The following STX1B variants were observed in gnomAD, a reference collection of about 807,000 sequenced individuals.
STX1B encodes syntaxin-1B.
Under a neutral mutation model 39.4 loss-of-function variants are expected in STX1B, and 7 were observed. The ratio of observed to expected loss-of-function variants is 0.18; its 90% CI spans 0.10 to 0.33. The LOEUF (loss-of-function observed/expected upper bound fraction) is 0.33, where lower values mean the gene tolerates loss of function less well. Among genes scored for constraint, STX1B ranks in the 10% least tolerant of loss-of-function variants. The pLI is 1.00. For missense variants in STX1B, 198 were observed against 383.2 expected, an observed-to-expected ratio of 0.52 and a Z score of 4.04; for synonymous variants, 136 against 144.1, an observed-to-expected ratio of 0.94 and a Z score of 0.40.
At chr16:31,000,132 G>A (rs919884326) in intron 4 of STX1B, among the ~76,000 whole-genome samples, 1 of 151,450 alleles carries the variant, frequency 6.6e-6, no homozygotes. Context: ...CAAGTGGCTG[G>A]GATTACAGGC....
chr16:31,003,482 C>T (rs1025926705), intron 1 of STX1B, among the ~76,000 whole-genome samples: 3 of 152,200 alleles, frequency 2.0e-5, no homozygotes, highest in Non-Finnish European at 4.4e-5. Flanking sequence ...CAAAAGCCTT[C>T]CTCTGCCCTT....
chr16:30,992,997 G>T, intron 9 of STX1B, 96 bp from the exon 10 acceptor site: 1 of 1,327,192 alleles, frequency 7.5e-7, no homozygotes, highest in Non-Finnish European at 1.1e-6. Context: ...GCAGGGAGAA[G>T]AGGGGAGAGA....
At chr16:30,997,462 TG>T in intron 5 of STX1B, 39 bp downstream of exon 5, 2 of 1,556,728 alleles carry the variant, frequency 1.3e-6, no homozygotes, top group Non-Finnish European at 1.7e-6. Flanking sequence ...CCTCCCGAGC[TG>T]GGTCCCGACC....
intron 6 of STX1B, 55 bp downstream of exon 6, chr16:30,996,895 AG>A: frequency 6.6e-7 from 1 of 1,513,210 alleles, no homozygotes; most frequent in Non-Finnish European, 9.0e-7. Context: ...AATGCCTGGA[AG>A]GGGGCTTGGG....
chr16:31,009,635 T>C (rs2056671139), intron 1 of STX1B, among the ~76,000 whole-genome samples: 1 of 151,882 alleles, frequency 6.6e-6, no homozygotes, highest in Non-Finnish European at 1.5e-5. Context: ...GGCCAGACTC[T>C]TGGAGCCGGG....
intron 5 of STX1B, 134 bp downstream of exon 5, chr16:30,997,368 T>G (rs1596717153): frequency 2.1e-5 from 8 of 376,254 alleles, no homozygotes; most frequent in South Asian, 2.0e-4. Flanking sequence ...CGCTCTAGCC[T>G]CGCCCCCAGA....
At position 30,997,070 on chromosome 16, in the gene STX1B, G is replaced by C; in HGVS notation, c.355-11C>G. 11 of 1,593,566 alleles carry C rather than the reference G, an allele frequency of 6.9e-6. No individual in the cohort carries two copies. Among genetic ancestry groups the C allele is most frequent in the African/African-American group, 1.3e-5 (1 of 74,604 alleles). On this transcript the variant is annotated splice_polypyrimidine_tract_variant and intron_variant, in intron 5 of 9. Transcript: ENST00000215095. ...GGACAGTGTGGAGTGCTACGGTGGG[G>C]GTGGGGGGACAGACGGATCAGGGAG...
At chr16:30,997,616 G>A in intron 4 of STX1B, 41 bp from the exon 5 acceptor site, 1 of 1,562,156 alleles carries the variant, frequency 6.4e-7, no homozygotes, top group Non-Finnish European at 8.7e-7. Flanking sequence ...GAGACCCGGG[G>A]CACATGGGGC....
chr16:31,003,767 T>C (rs1175629237), intron 1 of STX1B, among the ~76,000 whole-genome samples: 3 of 152,228 alleles, frequency 2.0e-5, no homozygotes, highest in Non-Finnish European at 2.9e-5. Context: ...TTTGGTATAA[T>C]AAATACAAAG....
In STX1B at chr16:31,010,471, G is replaced by A; in HGVS notation, c.-75C>T. On this transcript the variant is annotated 5_prime_UTR_variant, in exon 1 of 10. Coordinates refer to ENST00000215095, the MANE Select transcript of STX1B (RefSeq NM_052874.5). The stretch of plus-strand genomic sequence containing the variant: ...CTCCGGGTCTCCCGCCTCTGTGCCG[G>A]AGGCCGGGGTCTGGGGGCGCCGGGG... The A allele has an allele frequency of 1.6e-6, 2 of 1,235,498 alleles. No individual in the cohort carries two copies. The highest frequency in any genetic ancestry group is 2.1e-6 in the Non-Finnish European group (2 of 954,208). The allele number at this position is 1,235,498 out of a possible 1,614,324, so 76.5% of individuals were successfully genotyped here. A position where few individuals can be genotyped will look rare whatever the true frequency, so the allele number is the denominator to read the frequency against.
chr16:31,000,145 C>T (rs2056617532), intron 4 of STX1B, among the ~76,000 whole-genome samples: 1 of 151,036 alleles, frequency 6.6e-6, no homozygotes, highest in South Asian at 2.1e-4. Flanking sequence ...TTACAGGCGC[C>T]TGCCACCATG....
chr16:30,994,567 G>A (rs1472945832), intron 7 of STX1B, among the ~76,000 whole-genome samples: 1 of 151,192 alleles, frequency 6.6e-6, no homozygotes, highest in African/African-American at 2.4e-5. Context: ...TCCAACATGG[G>A]CCACAGAGTG....
At chr16:31,000,880 T>C in intron 4 of STX1B, 48 bp downstream of exon 4, 1 of 1,602,342 alleles carries the variant, frequency 6.2e-7, no homozygotes, top group African/African-American at 1.3e-5. Flanking sequence ...GCCACCATGC[T>C]CCACCCACAA....
At chr16:30,997,345 C>T (rs1388520148) in intron 5 of STX1B, among the ~76,000 whole-genome samples, 157 bp downstream of exon 5, 1 of 152,082 alleles carries the variant, frequency 6.6e-6, no homozygotes, top group East Asian at 1.9e-4. Context: ...AGAGCCCCGC[C>T]CAGGGCCCCG....
chr16:31,006,174 G>C lies in STX1B; in HGVS notation c.30+4193C>G, dbSNP rs552410464. Among the ~76,000 whole-genome samples the C allele has an allele frequency of 6.6e-5, 10 of 152,222 alleles. No homozygotes were observed. In the South Asian group the frequency reaches 2.1e-3, roughly 32 times the overall value. On this transcript the variant is annotated intron_variant, in intron 1 of 9. Coordinates refer to ENST00000215095, the MANE Select transcript of STX1B (RefSeq NM_052874.5). Reference sequence around the variant, plus strand: ...GCACTGACACACACGGGCTTCCCATGCTCCTCAGGGGTGCAAGCATCATCG... The same window carrying C: ...GCACTGACACACACGGGCTTCCCATCCTCCTCAGGGGTGCAAGCATCATCG...
chr16:30,992,650 G>A lies in STX1B; in HGVS notation c.*171C>T, dbSNP rs1395980827. The A allele has an allele frequency of 3.8e-6, 2 of 520,100 alleles. No individual in the cohort carries two copies. The highest frequency in any genetic ancestry group is 6.9e-6 in the Non-Finnish European group (2 of 289,954). The allele number at this position is 520,100 out of a possible 1,614,324, so 32.2% of individuals were successfully genotyped here. On this transcript the variant is annotated 3_prime_UTR_variant, in exon 10 of 10. Transcript: ENST00000215095. The stretch of plus-strand genomic sequence containing the variant: ...GATCTACGTGCGGGGACGGGGGGGG[G>A]GTCCATGGCCCGGTGAGGTCCAGGG...
intron 1 of STX1B, among the ~76,000 whole-genome samples, chr16:31,008,271 C>A (rs916053196): frequency 7.5e-6 from 1 of 133,582 alleles, no homozygotes; most frequent in South Asian, 2.7e-4. Context: ...TTTCCCTGAG[C>A]TGTGACTAAT....
chr16:31,000,332 G>T lies in STX1B; in HGVS notation c.280+596C>A, dbSNP rs199957256. Among the ~76,000 whole-genome samples the T allele has an allele frequency of 5.5e-3, 678 of 123,380 alleles. 8 individuals are homozygous for T. The highest frequency in any genetic ancestry group is 0.02 in the African/African-American group (649 of 33,074). The allele number at this position is 123,380 out of a possible 152,430, so 80.9% of individuals were successfully genotyped here. A position where few individuals can be genotyped will look rare whatever the true frequency, so the allele number is the denominator to read the frequency against. ...CTTTTTTTTTGTTTGTTTGTTTTTTGTTTTTTTTTTTTTTGTTTGAGACAG... is the reference window on the plus strand; with the variant it reads ...CTTTTTTTTTGTTTGTTTGTTTTTTTTTTTTTTTTTTTTTGTTTGAGACAG... On this transcript the variant is annotated intron_variant, in intron 4 of 9. Transcript: ENST00000215095.
chr16:31,006,936 C>T (rs867849385), intron 1 of STX1B, among the ~76,000 whole-genome samples: 8 of 151,992 alleles, frequency 5.3e-5, no homozygotes, highest in Non-Finnish European at 1.2e-4. Context: ...TCAACATAGA[C>T]CCCATCTCTA....
Sources: gnomAD v4.1 joint callset for allele counts (sites outside exome capture counted in the v4.1 genomes callset) on GRCh38, gnomAD v4.1.1 for gene constraint, MANE v1.5 for transcripts, NCBI Gene and HGNC (gene_info 2026-07-23, HGNC 2026-07-21) for gene names.